MYO16: variants seen among roughly 807,000 people sequenced by gnomAD.
MYO16 encodes unconventional myosin-XVI.
MYO16 carries 94 observed loss-of-function variants against 205.3 expected under a neutral mutation model. That is an observed-to-expected ratio of 0.46 (90% confidence interval 0.39 to 0.54). The LOEUF (loss-of-function observed/expected upper bound fraction) is 0.54. Ranked by LOEUF, MYO16 falls within the 20% of genes least tolerant of loss-of-function variation. The probability of loss-of-function intolerance (pLI) is 0.00; values close to 1 mark genes in which losing one functional copy is unlikely to be tolerated. For synonymous variants in MYO16, 988 were observed against 954.0 expected (o/e 1.04, Z -0.66); for missense variants, 2,315 against 2,387.5 (o/e 0.97, Z 0.63).
At position 108,665,813 on chromosome 13, in the gene MYO16, A is replaced by C; in HGVS notation, c.29-73A>C. The C allele has an allele frequency of 1.4e-6, 2 of 1,446,246 alleles. 1 individual carries two copies. The highest frequency in any genetic ancestry group is 3.8e-4 in the Middle Eastern group (2 of 5,240). 89.6% of individuals were successfully genotyped at this position (1,446,246 alleles called of 1,614,324 possible). ...CCTGTGCAATGGACAATATAAAATCAAGTGTGCTGTGGTGCACACTTATAG... is the reference window on the plus strand; with the variant it reads ...CCTGTGCAATGGACAATATAAAATCCAGTGTGCTGTGGTGCACACTTATAG... On this transcript the variant is annotated intron_variant, in intron 1 of 34. Coordinates refer to ENST00000457511, the MANE Select transcript of MYO16 (RefSeq NM_001198950.3).
At chr13:108,548,216 ATGGTGGTGG>A in the MYO16 span, among the ~76,000 whole-genome samples, 8 of 145,088 alleles carry the variant, frequency 5.5e-5, no homozygotes, top group East Asian at 2.3e-4. Flanking sequence ...AATGATGATG[ATGGTGGTGG>A]TGGTGGTGGT....
chr13:109,139,374 A>G (rs1445733063), intron 31 of MYO16, among the ~76,000 whole-genome samples: 1 of 152,200 alleles, frequency 6.6e-6, no homozygotes, highest in Non-Finnish European at 1.5e-5. Context: ...GACCAGTTCA[A>G]CCCATACCTT....
Position 108,844,601 on chromosome 13 carries a change from A to G in MYO16, c.1248+108A>G, listed in dbSNP as rs1460228483. ...AATGCGCACTAATTTGCATTCAAAGACAATTAATGCATAGATTAATATTTT... is the reference window on the plus strand; with the variant it reads ...AATGCGCACTAATTTGCATTCAAAGGCAATTAATGCATAGATTAATATTTT... On this transcript the variant is annotated intron_variant, in intron 10 of 34. Transcript: ENST00000457511. 2.7e-6 allele frequency: 3 copies of G among 1,112,758 alleles called. No homozygotes were observed. In the South Asian group the frequency reaches 6.5e-5, roughly 24 times the overall value. 68.9% of individuals were successfully genotyped at this position (1,112,758 alleles called of 1,614,324 possible).
chr13:108,706,453 G>A (rs1883513298), intron 2 of MYO16, among the ~76,000 whole-genome samples: 1 of 152,106 alleles, frequency 6.6e-6, no homozygotes, highest in African/African-American at 2.4e-5. Context: ...AGGGAAAAAT[G>A]GTAATTCGGT....
intron 32 of MYO16, among the ~76,000 whole-genome samples, chr13:109,158,518 T>C (rs1427983234): frequency 1.3e-5 from 2 of 152,176 alleles, no homozygotes; most frequent in Non-Finnish European, 2.9e-5. Flanking sequence ...GTTGGACTTT[T>C]CCCATAAAAC....
At chr13:108,504,420 C>T in the MYO16 span, among the ~76,000 whole-genome samples, 1 of 152,124 alleles carries the variant, frequency 6.6e-6, no homozygotes, top group Non-Finnish European at 1.5e-5. Flanking sequence ...AGCCACCACG[C>T]CCAGCCCAGA....
intron 11 of MYO16, among the ~76,000 whole-genome samples, chr13:108,865,362 T>G (rs1283763550): frequency 6.6e-6 from 1 of 152,188 alleles, no homozygotes; most frequent in Non-Finnish European, 1.5e-5. Context: ...TTTAGAAATG[T>G]TGTTTCTTCC....
intron 3 of MYO16, among the ~76,000 whole-genome samples, chr13:108,724,902 A>G (rs1884287941): frequency 4.6e-4 from 1 of 2,166 alleles, no homozygotes; most frequent in Non-Finnish European, 0.025. Context: ...AAAAATATAT[A>G]TAACTCACAG....
At chr13:109,121,565 C>T (rs1159709678) in intron 29 of MYO16, among the ~76,000 whole-genome samples, 2 of 152,236 alleles carry the variant, frequency 1.3e-5, no homozygotes, top group African/African-American at 2.4e-5. Flanking sequence ...ATTGTTCTCT[C>T]AGTACACATT....
chr13:108,968,252 A>AG (rs985399786), intron 20 of MYO16, among the ~76,000 whole-genome samples: 3 of 152,130 alleles, frequency 2.0e-5, no homozygotes, highest in South Asian at 2.1e-4. Context: ...TCTTTCGATG[A>AG]GGGGGGGATT....
At chr13:108,876,177 A>T (rs1357694156) in intron 12 of MYO16, among the ~76,000 whole-genome samples, 1 of 152,170 alleles carries the variant, frequency 6.6e-6, no homozygotes, top group African/African-American at 2.4e-5. Context: ...ATTATTCTTA[A>T]TATTCATTGC....
At chr13:109,032,194 T>C (rs546570414) in intron 23 of MYO16, among the ~76,000 whole-genome samples, 1 of 152,232 alleles carries the variant, frequency 6.6e-6, no homozygotes, top group South Asian at 2.1e-4. Context: ...TCTACTGGAC[T>C]CCATGATTTC....
Position 108,862,018 on chromosome 13 carries a change from C to T in MYO16, c.1360-4159C>T, listed in dbSNP as rs79178208. On this transcript the variant is annotated intron_variant, in intron 11 of 34. Coordinates refer to ENST00000457511, the MANE Select transcript of MYO16 (RefSeq NM_001198950.3). The stretch of plus-strand genomic sequence containing the variant: ...CATTAGTTATGAAAATGTTTTCCTA[C>T]ATTTTCTTTATAACATTTTATTATT... 1.8e-4 allele frequency among the ~76,000 whole-genome samples: 27 copies of T among 152,244 alleles called. 1 individual carries two copies. The East Asian group carries it at 5.2e-3, about 29-fold the overall frequency.
chr13:108,844,304 G>A, intron 9 of MYO16, 39 bp from the exon 10 acceptor site: 13 of 1,565,182 alleles, frequency 8.3e-6, no homozygotes, highest in Non-Finnish European at 1.1e-5. Flanking sequence ...TAAAACATTA[G>A]AAAGAGACTA....
rs186147499 is a variant in MYO16, at chr13:108,762,601, A to G, written c.508-23034A>G. ...TGATTAGTGATGTTGGGCATTTAAA[A>G]CTGAAAATATCTCGAAGGTGGCATC... On this transcript the variant is annotated intron_variant, in intron 4 of 34. Coordinates refer to ENST00000457511, the MANE Select transcript of MYO16 (RefSeq NM_001198950.3). 2.3e-4 allele frequency among the ~76,000 whole-genome samples: 35 copies of G among 152,274 alleles called. No homozygotes were observed. The East Asian group carries it at 6.2e-3, about 27-fold the overall frequency.
chr13:109,019,455 A>T (rs1290770028), intron 22 of MYO16, among the ~76,000 whole-genome samples: 1 of 152,202 alleles, frequency 6.6e-6, no homozygotes, highest in Non-Finnish European at 1.5e-5. Flanking sequence ...AAATAACTAC[A>T]GTATTTTAAT....
intron 1 of MYO16, among the ~76,000 whole-genome samples, chr13:108,663,294 T>C (rs1457436496): frequency 6.8e-6 from 1 of 147,734 alleles, no homozygotes; most frequent in Admixed American, 7.0e-5. Flanking sequence ...CCCTGTGTTA[T>C]CTTATAGATT....
intron 2 of MYO16, among the ~76,000 whole-genome samples, chr13:108,681,099 T>C (rs1566546979): frequency 6.6e-6 from 1 of 152,236 alleles, no homozygotes; most frequent in Non-Finnish European, 1.5e-5. Flanking sequence ...TGTAAAACCA[T>C]TTATGTCTAA....
intron 23 of MYO16, among the ~76,000 whole-genome samples, chr13:109,028,191 G>T (rs1886425262): frequency 6.6e-6 from 1 of 150,546 alleles, no homozygotes; most frequent in African/African-American, 2.4e-5. Flanking sequence ...GAAGGTATGT[G>T]CAGAAAATTG....
Sources: allele counts gnomAD v4.1 joint callset (sites outside exome capture counted in the v4.1 genomes callset), GRCh38; gene constraint gnomAD v4.1.1; transcripts MANE v1.5; gene names NCBI Gene and HGNC (gene_info 2026-07-23, HGNC 2026-07-21).